SGCD: variants seen among roughly 807,000 people sequenced by gnomAD.
The protein encoded by SGCD is delta-sarcoglycan.
SGCD carries 18 observed loss-of-function variants against 36.6 expected under a neutral mutation model. The observed-to-expected ratio is 0.49, with a 90% CI of 0.34 to 0.73. The LOEUF (loss-of-function observed/expected upper bound fraction) is 0.73, where lower values mean the gene tolerates loss of function less well. Among genes scored for constraint, SGCD ranks in the 30% least tolerant of loss-of-function variants. The pLI, the probability that SGCD is intolerant of heterozygous loss-of-function variation, is 0.01. For missense variants in SGCD, 387 were observed against 346.7 expected (o/e 1.12, Z -0.92); for synonymous variants, 133 against 130.6 (o/e 1.02, Z -0.12).
intron 7 of SGCD, chr5:156,739,876 A>G (rs933124886): frequency 1.1e-4 from 17 of 152,208 alleles, no homozygotes; most frequent in Admixed American, 1.1e-3. Flanking sequence ...TGGAACTGGT[A>G]CTAGATACCA....
intron 1 of SGCD, among the ~76,000 whole-genome samples, chr5:155,911,289 G>GTA (rs1235762574): frequency 5.0e-5 from 6 of 120,272 alleles, no homozygotes; most frequent in Middle Eastern, 4.1e-3. Flanking sequence ...TATGAGTATA[G>GTA]TATATGTGTG....
intron 7 of SGCD, among the ~76,000 whole-genome samples, chr5:156,691,139 G>A (rs1276933106): frequency 7.1e-6 from 1 of 140,168 alleles, no homozygotes; most frequent in Non-Finnish European, 1.5e-5. Context: ...CCTAGGAAGT[G>A]GAGGTTGCAG....
At chr5:155,877,389 G>T (rs990316351) in intron 1 of SGCD, among the ~76,000 whole-genome samples, 3 of 152,098 alleles carry the variant, frequency 2.0e-5, no homozygotes, top group Admixed American at 2.0e-4. Flanking sequence ...TGAAGTTTAA[G>T]ATAAAGTTCT....
intron 1 of SGCD, among the ~76,000 whole-genome samples, chr5:155,945,371 T>A (rs542038264): frequency 6.6e-6 from 1 of 152,316 alleles, no homozygotes; most frequent in Non-Finnish European, 1.5e-5. Flanking sequence ...ACTCTGTGCC[T>A]GGCTCTGTGT....
intron 3 of SGCD, among the ~76,000 whole-genome samples, chr5:156,161,979 AC>A (rs1221122026): frequency 6.6e-6 from 1 of 151,130 alleles, no homozygotes; most frequent in East Asian, 1.9e-4. Flanking sequence ...TTCAGGTCAA[AC>A]TTTTGATTTC....
intron 1 of SGCD, among the ~76,000 whole-genome samples, chr5:156,090,909 TC>T (rs1278326117): frequency 2.6e-5 from 4 of 152,218 alleles, no homozygotes; most frequent in Non-Finnish European, 5.9e-5. Flanking sequence ...ATGGCTGTAT[TC>T]TTCCCGACCC....
intron 7 of SGCD, among the ~76,000 whole-genome samples, chr5:156,747,106 A>C (rs1325647495): frequency 6.6e-6 from 1 of 151,220 alleles, no homozygotes; most frequent in East Asian, 1.9e-4. Context: ...ACACATGAAA[A>C]GGTGCCTAAC....
intron 1 of SGCD, chr5:155,870,449 T>A (rs1755608392): frequency 6.6e-6 from 1 of 152,204 alleles, no homozygotes; most frequent in Admixed American, 6.5e-5. Flanking sequence ...TTTACTTACA[T>A]TATTTACTGT....
At chr5:155,939,018 A>G (rs1408914243) in intron 1 of SGCD, among the ~76,000 whole-genome samples, 1 of 152,254 alleles carries the variant, frequency 6.6e-6, no homozygotes, top group Non-Finnish European at 1.5e-5. Flanking sequence ...GTAGCATATA[A>G]GAGACAATAG....
chr5:156,150,739 G>C lies in SGCD; in HGVS notation c.-44+26720G>C, dbSNP rs115332103. 3.9e-3 allele frequency among the ~76,000 whole-genome samples: 593 copies of C among 151,740 alleles called. 30 individuals are homozygous for C. The highest frequency in any genetic ancestry group is 0.014 in the African/African-American group (568 of 41,044). ...AAAATCCATTCTTGTGAAAGAGGAG[G>C]CAGTTCTACGCGGTGACTTGCTTTC... On this transcript the variant is annotated intron_variant, in intron 3 of 9. Coordinates refer to the SGCD transcript ENST00000517913.
chr5:155,732,540 C>T, the SGCD span, among the ~76,000 whole-genome samples: 2 of 152,154 alleles, frequency 1.3e-5, no homozygotes, highest in African/African-American at 4.8e-5. Flanking sequence ...TGCCAGAGAT[C>T]CTATAACCAG....
At chr5:156,361,346 T>C (rs953994479) in intron 3 of SGCD, among the ~76,000 whole-genome samples, 6 of 152,240 alleles carry the variant, frequency 3.9e-5, no homozygotes, top group Admixed American at 2.0e-4. Flanking sequence ...TTACCAGGTT[T>C]TGAAGAAGAC....
intron 3 of SGCD, among the ~76,000 whole-genome samples, chr5:156,437,458 GC>G (rs751475058): frequency 1.3e-4 from 20 of 152,196 alleles, no homozygotes; most frequent in Non-Finnish European, 2.9e-4. Flanking sequence ...TTGAAATCAC[GC>G]CCTGAGCTAT....
chr5:155,937,703 A>C (rs1380216446), intron 1 of SGCD, among the ~76,000 whole-genome samples: 1 of 152,226 alleles, frequency 6.6e-6, no homozygotes, highest in African/African-American at 2.4e-5. Flanking sequence ...AAGAGCTTAT[A>C]ATTAAGTGGG....
At chr5:155,832,344 C>A in the SGCD span, among the ~76,000 whole-genome samples, 3 of 152,178 alleles carry the variant, frequency 2.0e-5, no homozygotes, top group Non-Finnish European at 2.9e-5. Context: ...CATATGGTAG[C>A]AGCCTATAAC....
intron 3 of SGCD, among the ~76,000 whole-genome samples, chr5:156,446,374 G>C (rs375395892): frequency 6.6e-6 from 1 of 152,198 alleles, no homozygotes; most frequent in African/African-American, 2.4e-5. Context: ...CTCAGTGTAG[G>C]CGTGAAAATT....
chr5:156,187,910 G>A (rs1763801877), intron 3 of SGCD, among the ~76,000 whole-genome samples: 1 of 152,208 alleles, frequency 6.6e-6, no homozygotes, highest in South Asian at 2.1e-4. Context: ...TCTCCTCCTA[G>A]TGATTGTGAT....
At chr5:156,735,794 T>C (rs1581497199) in intron 7 of SGCD, among the ~76,000 whole-genome samples, 1 of 152,104 alleles carries the variant, frequency 6.6e-6, no homozygotes, top group East Asian at 1.9e-4. Context: ...TGGTCTAACC[T>C]CCTGCTTTGC....
intron 7 of SGCD, among the ~76,000 whole-genome samples, chr5:156,728,991 A>G (rs1755924432): frequency 6.6e-6 from 1 of 152,248 alleles, no homozygotes; most frequent in Non-Finnish European, 1.5e-5. Context: ...TTATGTAAAC[A>G]AGGTCTATCC....
Sources: allele counts gnomAD v4.1 joint callset (sites outside exome capture counted in the v4.1 genomes callset), GRCh38; gene constraint gnomAD v4.1.1; transcripts MANE v1.5; gene names NCBI Gene and HGNC (gene_info 2026-07-23, HGNC 2026-07-21).